DMC1: variants seen among roughly 807,000 people sequenced by gnomAD.
The protein encoded by DMC1 is DNA meiotic recombinase 1.
Under a neutral mutation model 50.1 loss-of-function variants are expected in DMC1, and 27 were observed. That is an observed-to-expected ratio of 0.54 (90% CI 0.40 to 0.74). DMC1 has a LOEUF of 0.74. Among genes scored for constraint, DMC1 ranks in the 30% least tolerant of loss-of-function variants. DMC1 has a pLI of 0.00. For missense variants in DMC1, 295 were observed against 420.2 expected (o/e 0.70, Z 2.60); for synonymous variants, 148 against 136.1 (o/e 1.09, Z -0.61).
chr22:38,528,797 C>G (rs1321369645), intron 12 of DMC1, among the ~76,000 whole-genome samples: 1 of 151,924 alleles, frequency 6.6e-6, no homozygotes, highest in East Asian at 1.9e-4. Flanking sequence ...CTAAACTAAA[C>G]TAAAATAATA....
In DMC1 at chr22:38,568,206, C is replaced by G; in HGVS notation, c.51G>C (p.Glu17Asp). 1 of 1,613,928 alleles carries G rather than the reference C, an allele frequency of 6.2e-7. No homozygotes were observed. Among genetic ancestry groups the G allele is most frequent in the Non-Finnish European group, 8.5e-7 (1 of 1,179,856 alleles). The change falls in exon 2 of 14, where the codon GAG (glutamate) becomes GAC (aspartate). Residue 17 changes from glutamate (E) to aspartate (D), a missense_variant and splice_region_variant. By Grantham distance (45) the Glu-to-Asp change is conservative. Transcript: ENST00000216024. Reference protein sequence around the residue: ...VAEEPGFQDEEESLFQDIDLL... With the variant: ...VAEEPGFQDEDESLFQDIDLL... ...ATATCTTTCAACATTTTAGTCATACCTCTTCATCTTGGAATCCTGGTTCTT... is the reference window on the plus strand; with the variant it reads ...ATATCTTTCAACATTTTAGTCATACGTCTTCATCTTGGAATCCTGGTTCTT...
At chr22:38,532,077 C>G (rs957405160) in intron 12 of DMC1, among the ~76,000 whole-genome samples, 1 of 152,118 alleles carries the variant, frequency 6.6e-6, no homozygotes, top group Admixed American at 6.6e-5. Flanking sequence ...TATTTGAATG[C>G]AACCCACTTC....
intron 5 of DMC1, among the ~76,000 whole-genome samples, chr22:38,555,652 C>T (rs2090461820): frequency 1.3e-5 from 2 of 151,918 alleles, no homozygotes; most frequent in African/African-American, 2.4e-5. Context: ...TAAGCCCTAT[C>T]GTTCTTACTT....
chr22:38,532,745 A>G lies in DMC1; in HGVS notation c.836+4847T>C, dbSNP rs187346306. On this transcript the variant is annotated intron_variant, in intron 12 of 13. Transcript: ENST00000216024. The stretch of plus-strand genomic sequence containing the variant: ...AGCAATCCTCCTGCCTCAGCCTCCC[A>G]AGTAGTTAGGACTACAGGCATGTGC... Among the ~76,000 whole-genome samples, 752 of 152,030 alleles carry G rather than the reference A, an allele frequency of 4.9e-3. 25 individuals are homozygous for G. The highest frequency in any genetic ancestry group is 1.5e-3 in the Non-Finnish European group (102 of 67,978).
chr22:38,564,553 C>T (rs545711522), intron 4 of DMC1, among the ~76,000 whole-genome samples: 6 of 152,180 alleles, frequency 3.9e-5, no homozygotes, highest in South Asian at 4.1e-4. Context: ...CCTCATGATC[C>T]GCCCGCCTCA....
In DMC1 at chr22:38,549,922, T is replaced by C; in HGVS notation, c.494+3A>G. 1 of 1,608,822 alleles carries C rather than the reference T, an allele frequency of 6.2e-7. No individual in the cohort carries two copies. Among genetic ancestry groups the C allele is most frequent in the Non-Finnish European group, 8.5e-7 (1 of 1,175,530 alleles). On this transcript the variant is annotated splice_donor_region_variant and intron_variant, in intron 8 of 13. Coordinates refer to ENST00000216024, the MANE Select transcript of DMC1 (RefSeq NM_007068.4). ...TGTTAGCAACTTTAAATAAAAAGGT[T>C]ACAAAGTATTTTCTGTATCAATGAA...
rs72057713 is a variant in DMC1, at chr22:38,548,841, CAAA to C, written c.494+1081_494+1083del. On this transcript the variant is annotated intron_variant, in intron 8 of 13. Coordinates refer to ENST00000216024, the MANE Select transcript of DMC1 (RefSeq NM_007068.4). ...TGGGTGATGGAGAAAGACACTGTCT[CAAA>C]AAAAAAAAAGTAAAATTAGTACATT... 9.9e-3 allele frequency among the ~76,000 whole-genome samples: 1,404 copies of C among 142,506 alleles called. 21 individuals carry two copies. Among genetic ancestry groups the C allele is most frequent in the African/African-American group, 0.034 (1,341 of 39,288 alleles). The allele number at this position is 142,506 out of a possible 152,430, so 93.5% of individuals were successfully genotyped here.
At chr22:38,567,506 AG>A in intron 3 of DMC1, 76 bp downstream of exon 3, 2 of 1,234,260 alleles carry the variant, frequency 1.6e-6, no homozygotes. Flanking sequence ...AGAATTATCC[AG>A]GCCCAAATGT....
At chr22:38,554,443 GA>G (rs540883900) in intron 6 of DMC1, among the ~76,000 whole-genome samples, 1,615 of 52,010 alleles carry the variant, frequency 0.031, 15 homozygotes, top group African/African-American at 0.074. Flanking sequence ...CAAGTCAACA[GA>G]AAAAAAAAAA....
At chr22:38,509,774 A>G in the DMC1 span, among the ~76,000 whole-genome samples, 2 of 151,988 alleles carry the variant, frequency 1.3e-5, no homozygotes, top group Non-Finnish European at 2.9e-5. Context: ...GGTTCAAGCA[A>G]TTCTCCTGCC....
intron 7 of DMC1, among the ~76,000 whole-genome samples, chr22:38,551,163 G>A (rs2090405409): frequency 6.6e-6 from 1 of 150,922 alleles, no homozygotes; most frequent in Non-Finnish European, 1.5e-5. Context: ...CAGGAGAATC[G>A]CTTGAACCTG....
intron 12 of DMC1, among the ~76,000 whole-genome samples, chr22:38,526,297 C>T (rs139572436): frequency 9.3e-4 from 141 of 152,100 alleles, no homozygotes; most frequent in Non-Finnish European, 1.7e-3. Flanking sequence ...CTCCACCTCC[C>T]GGGTTCAAGC....
rs1246198911 is a variant in DMC1, at chr22:38,519,464, C to G, written c.*556G>C. On this transcript the variant is annotated 3_prime_UTR_variant, in exon 14 of 14. Coordinates refer to ENST00000216024, the MANE Select transcript of DMC1 (RefSeq NM_007068.4). ...TTCTGTTGCTATAAAGGTGAATATG[C>G]AGTTTGATATTATAAATAGAAAGAG... 6.5e-6 allele frequency: 1 copy of G among 153,746 alleles called. No homozygotes were observed. The highest frequency in any genetic ancestry group is 2.4e-5 in the African/African-American group (1 of 41,508). 9.5% of individuals were successfully genotyped at this position (153,746 alleles called of 1,614,324 possible).
At chr22:38,529,155 C>T (rs2090128684) in intron 12 of DMC1, among the ~76,000 whole-genome samples, 1 of 152,048 alleles carries the variant, frequency 6.6e-6, no homozygotes, top group African/African-American at 2.4e-5. Context: ...GGACTACAGG[C>T]GTGTGCCACC....
intron 7 of DMC1, among the ~76,000 whole-genome samples, chr22:38,550,353 C>T (rs1314412045): frequency 5.9e-5 from 8 of 135,372 alleles, no homozygotes; most frequent in East Asian, 2.1e-4. Context: ...CTAGCTCTGT[C>T]GTCAGGTTGG....
chr22:38,544,578 C>T (rs2090321479), intron 8 of DMC1, among the ~76,000 whole-genome samples: 1 of 152,070 alleles, frequency 6.6e-6, no homozygotes, highest in Admixed American at 6.6e-5. Context: ...GTCGTCAGGA[C>T]TTCCTGAGGC....
intron 3 of DMC1, 144 bp from the exon 4 acceptor site, chr22:38,566,880 T>C (rs1419427056): frequency 1.3e-6 from 1 of 776,338 alleles, no homozygotes; most frequent in Non-Finnish European, 2.2e-6. Context: ...ACCCACCATG[T>C]AGCCAAATGT....
chr22:38,560,161 C>T (rs5750621), intron 5 of DMC1, among the ~76,000 whole-genome samples: 38,704 of 152,060 alleles, frequency 0.25, 5,376 homozygotes, highest in East Asian at 0.36. Flanking sequence ...GGAGGTTATA[C>T]TGTCAAATAA....
chr22:38,511,945 T>C, the DMC1 span, among the ~76,000 whole-genome samples: 13 of 151,150 alleles, frequency 8.6e-5, no homozygotes, highest in Admixed American at 4.6e-4. Flanking sequence ...CTTTTCCTTC[T>C]TTTTTTTTCT....
Sources: gnomAD v4.1 joint callset for allele counts (sites outside exome capture counted in the v4.1 genomes callset) on GRCh38, gnomAD v4.1.1 for gene constraint, MANE v1.5 for transcripts, NCBI Gene and HGNC (gene_info 2026-07-23, HGNC 2026-07-21) for gene names.